LRRC7: variants seen among roughly 807,000 people sequenced by gnomAD.
LRRC7 encodes the protein leucine-rich repeat-containing protein 7.
Under a neutral mutation model 175.7 loss-of-function variants are expected in LRRC7, and 23 were observed. That is an observed-to-expected ratio of 0.13 (90% CI 0.09 to 0.19). LRRC7 has a LOEUF of 0.19. Among genes scored for constraint, LRRC7 ranks in the 10% least tolerant of loss-of-function variants. The pLI is 1.00. For missense variants in LRRC7, 1,354 were observed against 1,904.7 expected (o/e 0.71, Z 5.38); for synonymous variants, 685 against 680.9 (o/e 1.01, Z -0.09).
intron 7 of LRRC7, among the ~76,000 whole-genome samples, chr1:69,844,653 G>A (rs1461286014): frequency 6.6e-6 from 1 of 152,100 alleles, no homozygotes; most frequent in Admixed American, 6.6e-5. Context: ...ACACGGGAGT[G>A]CAGACATCTC....
chr1:70,090,538 C>G (rs932263720), intron 25 of LRRC7, among the ~76,000 whole-genome samples: 2 of 151,988 alleles, frequency 1.3e-5, no homozygotes, highest in Admixed American at 1.3e-4. Context: ...TTACCTGGAG[C>G]TATAGAACCT....
intron 10 of LRRC7, among the ~76,000 whole-genome samples, chr1:69,987,207 T>C (rs1273827277): frequency 9.9e-5 from 15 of 152,152 alleles, no homozygotes. Context: ...ATTATGCCGC[T>C]GCACTCCAGC....
At chr1:69,676,042 A>ACACAC (rs1659727447) in intron 1 of LRRC7, among the ~76,000 whole-genome samples, 1 of 134,192 alleles carries the variant, frequency 7.5e-6, no homozygotes, top group African/African-American at 2.9e-5. Context: ...CACACACACA[A>ACACAC]GCACATAAAG....
intron 1 of LRRC7, among the ~76,000 whole-genome samples, chr1:69,622,264 C>A (rs12041715): frequency 0.27 from 40,733 of 152,086 alleles, 5,801 homozygotes; most frequent in East Asian, 0.36. Flanking sequence ...ATTCTCTTGA[C>A]ACTAGTTTTG....
chr1:69,676,636 G>A (rs183763464), intron 1 of LRRC7, among the ~76,000 whole-genome samples: 90 of 152,136 alleles, frequency 5.9e-4, no homozygotes, highest in African/African-American at 1.8e-3. Flanking sequence ...CAGCATCGCC[G>A]TGTAACTAGT....
intron 2 of LRRC7, among the ~76,000 whole-genome samples, chr1:69,686,828 A>G (rs1661209303): frequency 6.6e-6 from 1 of 152,160 alleles, no homozygotes; most frequent in African/African-American, 2.4e-5. Flanking sequence ...TAGATAAAAA[A>G]GAAAGACCAA....
chr1:69,924,724 A>G (rs1172605033), intron 7 of LRRC7, among the ~76,000 whole-genome samples: 1 of 152,198 alleles, frequency 6.6e-6, no homozygotes, highest in Non-Finnish European at 1.5e-5. Context: ...TTTCCTAGAT[A>G]TACAATCATG....
At chr1:69,856,881 C>T (rs1372424014) in intron 7 of LRRC7, among the ~76,000 whole-genome samples, 10 of 152,190 alleles carry the variant, frequency 6.6e-5, no homozygotes, top group Admixed American at 2.0e-4. Context: ...ACTGGCAAAC[C>T]GAATCCAACA....
chr1:69,943,949 A>AACACACAC (rs55900412), intron 8 of LRRC7, among the ~76,000 whole-genome samples: 3,520 of 145,430 alleles, frequency 0.024, 44 homozygotes, highest in South Asian at 0.06. Context: ...TATCATGGTA[A>AACACACAC]ACACACACAC....
At chr1:70,021,230 C>A (rs1657461823) in intron 16 of LRRC7, 101 bp downstream of exon 16, 3 of 1,147,908 alleles carry the variant, frequency 2.6e-6, no homozygotes, top group Non-Finnish European at 2.5e-6. Context: ...GATACTTCTT[C>A]AAGTCTCATG....
intron 11 of LRRC7, among the ~76,000 whole-genome samples, chr1:69,997,570 G>A (rs1406131456): frequency 7.3e-5 from 11 of 150,944 alleles, no homozygotes; most frequent in Non-Finnish European, 1.2e-4. Flanking sequence ...TTTGAGATAC[G>A]TCCCATCAAT....
At chr1:69,803,497 T>C (rs1676762154) in intron 4 of LRRC7, among the ~76,000 whole-genome samples, 4 of 151,438 alleles carry the variant, frequency 2.6e-5, no homozygotes. Flanking sequence ...CTTTAAGTTG[T>C]TAGCTTTACA....
At chr1:69,797,967 G>A (rs1265577069) in intron 4 of LRRC7, among the ~76,000 whole-genome samples, 2 of 152,086 alleles carry the variant, frequency 1.3e-5, no homozygotes, top group Admixed American at 6.6e-5. Context: ...TGTCACCCAG[G>A]CTGGAGTGCA....
At chr1:69,676,609 T>C (rs1386255019) in intron 1 of LRRC7, among the ~76,000 whole-genome samples, 2 of 152,128 alleles carry the variant, frequency 1.3e-5, no homozygotes, top group Non-Finnish European at 2.9e-5. Context: ...TTGATTAATT[T>C]ATTATTTTCT....
chr1:69,928,631 C>A (rs994458401), intron 7 of LRRC7, among the ~76,000 whole-genome samples: 3 of 152,238 alleles, frequency 2.0e-5, no homozygotes, highest in Non-Finnish European at 4.4e-5. Context: ...ATGTAATCTC[C>A]TGGTGCGCCA....
At chr1:69,951,823 A>T (rs1649968285) in intron 8 of LRRC7, among the ~76,000 whole-genome samples, 1 of 152,068 alleles carries the variant, frequency 6.6e-6, no homozygotes, top group Non-Finnish European at 1.5e-5. Context: ...AACAGAAAAG[A>T]TAACTGTTGG....
intron 24 of LRRC7, among the ~76,000 whole-genome samples, chr1:70,076,513 A>G (rs1465785543): frequency 1.3e-5 from 2 of 152,148 alleles, no homozygotes; most frequent in African/African-American, 4.8e-5. Context: ...CATTTTACAA[A>G]AGGAAAAATT....
chr1:69,871,465 A>T (rs184109500), intron 7 of LRRC7, among the ~76,000 whole-genome samples: 2 of 152,210 alleles, frequency 1.3e-5, no homozygotes, highest in Non-Finnish European at 2.9e-5. Context: ...CACCGAATGC[A>T]TAATTATATT....
chr1:69,778,924 A>C (rs925909976), intron 3 of LRRC7, among the ~76,000 whole-genome samples: 1 of 145,530 alleles, frequency 6.9e-6, no homozygotes, highest in Admixed American at 6.9e-5. Flanking sequence ...ATACACACAC[A>C]CACTCATATA....
Sources: gnomAD v4.1 joint callset for allele counts (sites outside exome capture counted in the v4.1 genomes callset) on GRCh38, gnomAD v4.1.1 for gene constraint, MANE v1.5 for transcripts, NCBI Gene and HGNC (gene_info 2026-07-23, HGNC 2026-07-21) for gene names.